Variants in CARMIL1 observed in about 807,000 individuals in gnomAD.
The protein encoded by CARMIL1 is capping protein regulator and myosin 1 linker 1, also known as F-actin-uncapping protein LRRC16A.
A neutral mutation model predicts 177.1 loss-of-function variants in CARMIL1; 90 were observed. The observed-to-expected ratio is 0.51, with a 90% CI of 0.43 to 0.61. The LOEUF is 0.61. CARMIL1 is among the 20% of genes least tolerant of loss of function. CARMIL1 has a pLI of 0.00. For synonymous variants in CARMIL1, 577 were observed against 606.2 expected, an observed-to-expected ratio of 0.95 and a Z score of 0.71; for missense variants, 1,380 against 1,667.0, an observed-to-expected ratio of 0.83 and a Z score of 3.00.
intron 5 of CARMIL1, among the ~76,000 whole-genome samples, chr6:25,438,769 GTTGGGATTTAGTAGTATTTTC>G (rs570017995): frequency 2.6e-4 from 39 of 152,112 alleles, no homozygotes; most frequent in Non-Finnish European, 5.0e-4. Flanking sequence ...TGGGAAAGAG[GTTGGGATTTAGTAGTATTTTC>G]CTGGGAAGCC....
intron 1 of CARMIL1, among the ~76,000 whole-genome samples, chr6:25,284,368 A>G (rs183969979): frequency 5.9e-5 from 9 of 152,338 alleles, no homozygotes; most frequent in Admixed American, 2.6e-4. Context: ...GTAGGTGTTT[A>G]TTAAATACTT....
At chr6:25,429,256 G>A (rs1796529844) in intron 4 of CARMIL1, among the ~76,000 whole-genome samples, 1 of 152,152 alleles carries the variant, frequency 6.6e-6, no homozygotes, top group Admixed American at 6.5e-5. Flanking sequence ...TTCCTTTCTT[G>A]TCAGCAGCCT....
chr6:25,452,797 C>G (rs1206166780), intron 8 of CARMIL1, among the ~76,000 whole-genome samples: 1 of 152,142 alleles, frequency 6.6e-6, no homozygotes, highest in Non-Finnish European at 1.5e-5. Flanking sequence ...GAAAATCCAG[C>G]CTTAAAGATG....
intron 36 of CARMIL1, among the ~76,000 whole-genome samples, chr6:25,618,882 A>G (rs1759505123): frequency 1.3e-5 from 2 of 152,214 alleles, no homozygotes; most frequent in African/African-American, 4.8e-5. Context: ...TTTATTTCCT[A>G]GAGGGTGAAA....
intron 29 of CARMIL1, among the ~76,000 whole-genome samples, chr6:25,572,729 G>A (rs779066343): frequency 1.2e-4 from 17 of 142,772 alleles, no homozygotes; most frequent in Non-Finnish European, 1.9e-4. Context: ...AAAAAAAAAG[G>A]TGGACATCAG....
In CARMIL1 at chr6:25,604,306, G is replaced by A. The variant is rs897733393; in HGVS notation, c.3553-506G>A. On this transcript the variant is annotated intron_variant, in intron 33 of 36. Coordinates refer to ENST00000329474, the MANE Select transcript of CARMIL1 (RefSeq NM_017640.6). ...TGTTGCCTAGGCTGGTCTCAAGCTC[G>A]TGACCTCAAACAATTCTCCCATCTC... is the stretch of plus-strand genomic sequence containing the variant. Among the ~76,000 whole-genome samples the A allele has an allele frequency of 1.4e-4, 21 of 152,174 alleles. No individual in the cohort carries two copies. In the East Asian group the frequency reaches 1.5e-3, roughly 11 times the overall value.
intron 29 of CARMIL1, among the ~76,000 whole-genome samples, chr6:25,562,437 T>C (rs192697009): frequency 2.0e-5 from 3 of 151,860 alleles, no homozygotes; most frequent in African/African-American, 7.3e-5. Context: ...TTAGTAGAGA[T>C]GGGGTTTCAC....
At chr6:25,412,465 C>T (rs1004886228) in intron 2 of CARMIL1, among the ~76,000 whole-genome samples, 1 of 152,174 alleles carries the variant, frequency 6.6e-6, no homozygotes, top group Non-Finnish European at 1.5e-5. Context: ...CTTGTAATCC[C>T]AGCTACTCCG....
intron 2 of CARMIL1, among the ~76,000 whole-genome samples, chr6:25,300,141 G>A (rs938570876): frequency 2.0e-5 from 3 of 151,680 alleles, no homozygotes; most frequent in East Asian, 1.9e-4. Context: ...TCTAAGTCTC[G>A]AAATTTACAG....
intron 2 of CARMIL1, among the ~76,000 whole-genome samples, chr6:25,323,581 C>T (rs1482484349): frequency 1.3e-5 from 2 of 152,086 alleles, no homozygotes; most frequent in Admixed American, 6.5e-5. Context: ...TGCACTCCAG[C>T]ATAAAAAGCT....
At chr6:25,366,232 A>G (rs1034932920) in intron 2 of CARMIL1, among the ~76,000 whole-genome samples, 2 of 152,032 alleles carry the variant, frequency 1.3e-5, no homozygotes, top group African/African-American at 4.8e-5. Context: ...CCTAGCCTCA[A>G]GCAGTCCTTC....
intron 36 of CARMIL1, among the ~76,000 whole-genome samples, chr6:25,619,071 G>C (rs1759524132): frequency 6.6e-6 from 1 of 152,110 alleles, no homozygotes; most frequent in African/African-American, 2.4e-5. Flanking sequence ...GCTGTGTGAG[G>C]GGGCAGCTAT....
intron 2 of CARMIL1, among the ~76,000 whole-genome samples, chr6:25,376,372 A>T (rs76683548): frequency 0.044 from 6,639 of 152,286 alleles, 370 homozygotes; most frequent in East Asian, 0.27. Flanking sequence ...GAGCCACCGT[A>T]TCTGGCTGCC....
chr6:25,587,465 C>T (rs1813872109), intron 31 of CARMIL1, among the ~76,000 whole-genome samples: 1 of 152,090 alleles, frequency 6.6e-6, no homozygotes, highest in South Asian at 2.1e-4. Flanking sequence ...CCAGCATTGC[C>T]TACGTCGTTG....
chr6:25,426,203 C>T (rs1263189482), intron 3 of CARMIL1, among the ~76,000 whole-genome samples: 1 of 152,080 alleles, frequency 6.6e-6, no homozygotes, highest in African/African-American at 2.4e-5. Flanking sequence ...TGCTTTTGCA[C>T]CAACTTCTAC....
At chr6:25,361,544 CTTATTT>C (rs1789197210) in intron 2 of CARMIL1, among the ~76,000 whole-genome samples, 1 of 152,000 alleles carries the variant, frequency 6.6e-6, no homozygotes, top group South Asian at 2.1e-4. Flanking sequence ...GAGCTTTTTT[CTTATTT>C]TTCTTGGTAT....
chr6:25,573,710 G>T (rs1812325690), intron 29 of CARMIL1, among the ~76,000 whole-genome samples: 1 of 150,586 alleles, frequency 6.6e-6, no homozygotes, highest in South Asian at 2.1e-4. Flanking sequence ...AGTCTGTCCA[G>T]TTCTGACCAT....
intron 29 of CARMIL1, among the ~76,000 whole-genome samples, chr6:25,568,332 A>G (rs1284320412): frequency 3.3e-5 from 5 of 152,242 alleles, no homozygotes; most frequent in African/African-American, 4.8e-5. Context: ...GGGTGAACAG[A>G]GTTAAGAGGA....
intron 10 of CARMIL1, among the ~76,000 whole-genome samples, chr6:25,472,151 A>G (rs1801148178): frequency 6.6e-6 from 1 of 151,980 alleles, no homozygotes; most frequent in Admixed American, 6.6e-5. Flanking sequence ...TGGAGGGGCC[A>G]GAAAGTACTG....
Sources: gnomAD v4.1 joint callset for allele counts (sites outside exome capture counted in the v4.1 genomes callset) on GRCh38, gnomAD v4.1.1 for gene constraint, MANE v1.5 for transcripts, NCBI Gene and HGNC (gene_info 2026-07-23, HGNC 2026-07-21) for gene names.